The following SLC35F3 variants were observed in gnomAD, a reference collection of about 807,000 sequenced individuals.
SLC35F3 encodes the protein solute carrier family 35 member F3, also known as putative thiamine transporter SLC35F3.
In SLC35F3, 25 loss-of-function variants were observed where a neutral mutation model predicts 49.9. The observed-to-expected ratio is 0.50, with a 90% CI of 0.37 to 0.70. SLC35F3 has a LOEUF of 0.70. SLC35F3 is among the 30% of genes least tolerant of loss of function. SLC35F3 has a pLI of 0.00. For synonymous variants in SLC35F3, 275 were observed against 265.4 expected, an observed-to-expected ratio of 1.04 and a Z score of -0.35; for missense variants, 525 against 639.8, an observed-to-expected ratio of 0.82 and a Z score of 1.94.
intron 3 of SLC35F3, among the ~76,000 whole-genome samples, chr1:234,305,165 G>A (rs1657124043): frequency 1.3e-5 from 2 of 152,154 alleles, no homozygotes; most frequent in Admixed American, 6.5e-5. Flanking sequence ...CCCTAAATGT[G>A]TGATATAACC....
intron 2 of SLC35F3, among the ~76,000 whole-genome samples, chr1:233,929,807 G>A (rs1662213218): frequency 6.6e-6 from 1 of 152,116 alleles, no homozygotes; most frequent in African/African-American, 2.4e-5. Flanking sequence ...GTTTTCACTG[G>A]TTTGTTTACC....
Position 234,318,746 on chromosome 1 carries a change from T to A in SLC35F3, c.955-5T>A. 6.2e-7 allele frequency: 1 copy of A among 1,613,156 alleles called. No individual in the cohort carries two copies. The highest frequency in any genetic ancestry group is 1.1e-5 in the South Asian group (1 of 90,870). On this transcript the variant is annotated splice_polypyrimidine_tract_variant and splice_region_variant and intron_variant, in intron 5 of 7. Transcript: ENST00000366618. ...CACCCCGTCCTCCTCTGCTTTCTCC[T>A]ACAGGTTTTGTTCAAGCTCCTCCTG...
chr1:234,201,032 G>A (rs150666106), intron 2 of SLC35F3, among the ~76,000 whole-genome samples: 2 of 152,130 alleles, frequency 1.3e-5, no homozygotes, highest in Non-Finnish European at 2.9e-5. Flanking sequence ...CAGTGTCCAG[G>A]CCCTCCTTTG....
intron 3 of SLC35F3, among the ~76,000 whole-genome samples, chr1:234,263,661 A>G (rs1667937941): frequency 1.3e-5 from 2 of 152,198 alleles, no homozygotes; most frequent in Non-Finnish European, 2.9e-5. Context: ...ATTCTAATGC[A>G]GTTGAAGTTT....
chr1:233,991,054 C>A (rs1274014920), intron 2 of SLC35F3, among the ~76,000 whole-genome samples: 1 of 152,170 alleles, frequency 6.6e-6, no homozygotes, highest in Non-Finnish European at 1.5e-5. Flanking sequence ...GGTAAATCTT[C>A]TAAAGAGAGA....
intron 3 of SLC35F3, among the ~76,000 whole-genome samples, chr1:234,259,675 A>C (rs1172855051): frequency 6.6e-6 from 1 of 151,310 alleles, no homozygotes; most frequent in Non-Finnish European, 1.5e-5. Context: ...CTCCATCTCA[A>C]ATAATAATAA....
chr1:234,070,601 G>A (rs1664697924), intron 2 of SLC35F3, among the ~76,000 whole-genome samples: 1 of 152,148 alleles, frequency 6.6e-6, no homozygotes, highest in Non-Finnish European at 1.5e-5. Flanking sequence ...TGTTGGGTGT[G>A]TCCGCAATTT....
At chr1:234,305,072 A>C (rs1346110100) in intron 3 of SLC35F3, among the ~76,000 whole-genome samples, 2 of 152,226 alleles carry the variant, frequency 1.3e-5, no homozygotes, top group African/African-American at 2.4e-5. Flanking sequence ...TGTATCAGCC[A>C]CAAGGCCTTG....
chr1:234,131,076 A>C (rs1181255666), intron 2 of SLC35F3, among the ~76,000 whole-genome samples: 1 of 152,204 alleles, frequency 6.6e-6, no homozygotes, highest in South Asian at 2.1e-4. Flanking sequence ...AAGAGAGACA[A>C]AGCTGATCTG....
chr1:234,220,907 C>G (rs1195099010), intron 2 of SLC35F3, among the ~76,000 whole-genome samples: 1 of 151,942 alleles, frequency 6.6e-6, no homozygotes, highest in African/African-American at 2.4e-5. Flanking sequence ...ATGTAGGAGG[C>G]AGGGAAGTGG....
intron 3 of SLC35F3, among the ~76,000 whole-genome samples, chr1:234,253,925 TGACA>T (rs1667778447): frequency 1.3e-5 from 2 of 152,262 alleles, no homozygotes; most frequent in African/African-American, 4.8e-5. Flanking sequence ...TGCTAGCTGG[TGACA>T]GACAGAAAGG....
At chr1:234,216,689 A>T (rs749604079) in intron 2 of SLC35F3, among the ~76,000 whole-genome samples, 1 of 152,234 alleles carries the variant, frequency 6.6e-6, no homozygotes, top group Non-Finnish European at 1.5e-5. Context: ...GAGATTGAGG[A>T]TCAAGACTGG....
chr1:234,211,858 G>A (rs1392365899), intron 2 of SLC35F3, among the ~76,000 whole-genome samples: 3 of 152,136 alleles, frequency 2.0e-5, no homozygotes, highest in Non-Finnish European at 2.9e-5. Flanking sequence ...TATGAGATTT[G>A]GGAGGTGCCA....
At position 234,214,190 on chromosome 1, in the gene SLC35F3, G is replaced by T. The variant is rs1234533335; in HGVS notation, c.284-17227G>T. ...GCGGAGCAGGTGAGCTGCGGGGTGG[G>T]AGCAGGGAGTGCACTTGTACGTGAC... is the stretch of plus-strand genomic sequence containing the variant. On this transcript the variant is annotated intron_variant, in intron 2 of 7. Coordinates refer to ENST00000366618, the MANE Select transcript of SLC35F3 (RefSeq NM_173508.4). This position sits in a 1 kb window ranked among gnomAD's most constrained non-coding sequence, Gnocchi z 8.0. 8.9e-7 allele frequency: 1 copy of T among 1,124,576 alleles called. No homozygotes were observed. The highest frequency in any genetic ancestry group is 1.1e-6 in the Non-Finnish European group (1 of 919,760). 69.7% of individuals were successfully genotyped at this position (1,124,576 alleles called of 1,614,324 possible).
chr1:234,228,579 A>G (rs897144906), intron 2 of SLC35F3, among the ~76,000 whole-genome samples: 1 of 152,212 alleles, frequency 6.6e-6, no homozygotes, highest in Non-Finnish European at 1.5e-5. Context: ...TGCACCATAC[A>G]TAGCCCTGTG....
Position 234,078,470 on chromosome 1 carries a change from T to C in SLC35F3, c.284-152947T>C, listed in dbSNP as rs74147519. Among the ~76,000 whole-genome samples, 215 of 152,304 alleles carry C rather than the reference T, an allele frequency of 1.4e-3. 1 individual carries two copies. Among genetic ancestry groups the C allele is most frequent in the African/African-American group, 5.0e-3 (208 of 41,562 alleles). On this transcript the variant is annotated intron_variant, in intron 2 of 7. Coordinates refer to ENST00000366618, the MANE Select transcript of SLC35F3 (RefSeq NM_173508.4). ...TTTAACCATAGGCATTTTTCAGTCTTCAGTGAACTCATCTTCCGCAACAGT... is the reference window on the plus strand; with the variant it reads ...TTTAACCATAGGCATTTTTCAGTCTCCAGTGAACTCATCTTCCGCAACAGT...
chr1:234,117,590 T>TC (rs754995935), intron 2 of SLC35F3, among the ~76,000 whole-genome samples: 19 of 135,920 alleles, frequency 1.4e-4, no homozygotes, highest in East Asian at 2.3e-4. Context: ...AGACCCTGTC[T>TC]AAAAAAAAAA....
chr1:233,973,505 C>T (rs780971870), intron 2 of SLC35F3, among the ~76,000 whole-genome samples: 9 of 152,224 alleles, frequency 5.9e-5, no homozygotes, highest in Non-Finnish European at 1.0e-4. Flanking sequence ...ATTAACGATG[C>T]TTCAGCTACT....
At chr1:233,924,094 T>C (rs1662113606) in intron 2 of SLC35F3, among the ~76,000 whole-genome samples, 1 of 152,196 alleles carries the variant, frequency 6.6e-6, no homozygotes, top group Admixed American at 6.5e-5. Flanking sequence ...GGAATATTGG[T>C]CTAAAATTAT....
Sources: gnomAD v4.1 joint callset for allele counts (sites outside exome capture counted in the v4.1 genomes callset) on GRCh38, gnomAD v4.1.1 for gene constraint, Gnocchi (gnomAD v3.1) non-coding constraint, MANE v1.5 for transcripts, NCBI Gene and HGNC (gene_info 2026-07-23, HGNC 2026-07-21) for gene names.